Variants in CDH9 observed in about 807,000 individuals in gnomAD.
CDH9 encodes cadherin-9.
Under a neutral mutation model 70.9 loss-of-function variants are expected in CDH9, and 28 were observed. The ratio of observed to expected loss-of-function variants is 0.40; its 90% CI spans 0.29 to 0.54. The LOEUF is 0.54. CDH9 is among the 20% of genes least tolerant of loss of function. The pLI, the probability that CDH9 is intolerant of heterozygous loss-of-function variation, is 0.59. For missense variants in CDH9, 874 were observed against 984.4 expected (o/e 0.89, Z 1.50); for synonymous variants, 409 against 343.1 (o/e 1.19, Z -2.12).
intron 2 of CDH9, among the ~76,000 whole-genome samples, chr5:26,933,900 A>T (rs1741513725): frequency 1.3e-5 from 2 of 152,216 alleles, no homozygotes; most frequent in Admixed American, 1.3e-4. Context: ...AACAAATATT[A>T]TAAACAATTC....
chr5:26,979,462 C>T (rs994003804), intron 2 of CDH9, among the ~76,000 whole-genome samples: 1 of 150,816 alleles, frequency 6.6e-6, no homozygotes, highest in African/African-American at 2.4e-5. Flanking sequence ...ATTAAAAAAA[C>T]AGAAACAAAG....
At chr5:27,027,410 C>T (rs1472652003) in intron 1 of CDH9, among the ~76,000 whole-genome samples, 1 of 151,814 alleles carries the variant, frequency 6.6e-6, no homozygotes, top group Non-Finnish European at 1.5e-5. Context: ...GTCTCAATAC[C>T]CTTTACCCAG....
chr5:26,996,241 T>G (rs963400607), intron 1 of CDH9, among the ~76,000 whole-genome samples: 1 of 152,040 alleles, frequency 6.6e-6, no homozygotes, highest in African/African-American at 2.4e-5. Flanking sequence ...TCATACTATT[T>G]TGATCAATAA....
At chr5:26,937,787 A>G (rs549884127) in intron 2 of CDH9, among the ~76,000 whole-genome samples, 1 of 152,116 alleles carries the variant, frequency 6.6e-6, no homozygotes, top group Non-Finnish European at 1.5e-5. Context: ...TGAAGCAAGT[A>G]CAATGTTCAG....
chr5:26,966,612 C>T (rs1289805246), intron 2 of CDH9, among the ~76,000 whole-genome samples: 6 of 152,160 alleles, frequency 3.9e-5, no homozygotes, highest in Admixed American at 3.9e-4. Context: ...GATTTCTTCA[C>T]AATTTGCCTT....
chr5:26,962,762 C>CT (rs1164593667), intron 2 of CDH9, among the ~76,000 whole-genome samples: 1 of 151,864 alleles, frequency 6.6e-6, no homozygotes, highest in East Asian at 1.9e-4. Flanking sequence ...TTTTATTATA[C>CT]TTTAAGTTCT....
At chr5:26,956,271 G>A (rs1194282478) in intron 2 of CDH9, among the ~76,000 whole-genome samples, 1 of 152,102 alleles carries the variant, frequency 6.6e-6, no homozygotes, top group African/African-American at 2.4e-5. Context: ...TCTCTTGTCT[G>A]CTGCTTTTTA....
At chr5:27,000,270 A>C (rs1391259037) in intron 1 of CDH9, among the ~76,000 whole-genome samples, 1 of 152,162 alleles carries the variant, frequency 6.6e-6, no homozygotes, top group Non-Finnish European at 1.5e-5. Flanking sequence ...AAAAATGGCC[A>C]AAATTTTTTG....
intron 1 of CDH9, among the ~76,000 whole-genome samples, chr5:27,026,895 C>A (rs2112131362): frequency 6.6e-6 from 1 of 151,888 alleles, no homozygotes; most frequent in Non-Finnish European, 1.5e-5. Flanking sequence ...TTTCAAACCA[C>A]AATAAAATCC....
At chr5:26,969,211 GT>G (rs1424439982) in intron 2 of CDH9, among the ~76,000 whole-genome samples, 2 of 152,096 alleles carry the variant, frequency 1.3e-5, no homozygotes, top group African/African-American at 4.8e-5. Context: ...TCTTGTACAT[GT>G]ATTTTCACAT....
chr5:26,902,839 T>C, intron 6 of CDH9, 110 bp from the exon 7 acceptor site: 1 of 624,206 alleles, frequency 1.6e-6, no homozygotes, highest in Non-Finnish European at 2.8e-6. Flanking sequence ...CAATTCTATT[T>C]AAATGACAAT....
intron 7 of CDH9, among the ~76,000 whole-genome samples, chr5:26,900,743 A>G (rs1400091043): frequency 6.6e-6 from 1 of 152,114 alleles, no homozygotes; most frequent in Non-Finnish European, 1.5e-5. Flanking sequence ...GATTTCTAGC[A>G]TAAAAATATG....
intron 2 of CDH9, among the ~76,000 whole-genome samples, chr5:26,939,187 CTT>C (rs1227414389): frequency 6.6e-6 from 1 of 151,568 alleles, no homozygotes; most frequent in African/African-American, 2.4e-5. Flanking sequence ...TATTTTTAAA[CTT>C]AATCTATTAT....
At chr5:27,005,864 G>T (rs1242432568) in intron 1 of CDH9, among the ~76,000 whole-genome samples, 1 of 152,150 alleles carries the variant, frequency 6.6e-6, no homozygotes, top group South Asian at 2.1e-4. Flanking sequence ...CATATCTTTT[G>T]CTTGAACATG....
At chr5:26,929,797 T>A (rs149737069) in intron 2 of CDH9, among the ~76,000 whole-genome samples, 1 of 152,002 alleles carries the variant, frequency 6.6e-6, no homozygotes, top group Non-Finnish European at 1.5e-5. Flanking sequence ...ATTAAAACAA[T>A]TGTGTTCATG....
chr5:26,998,245 A>T (rs1277195709), intron 1 of CDH9, among the ~76,000 whole-genome samples: 1 of 151,956 alleles, frequency 6.6e-6, no homozygotes, highest in Non-Finnish European at 1.5e-5. Context: ...AGATTGCAAA[A>T]ATTTTCTCCC....
chr5:26,886,975 T>C (rs1381792492), intron 9 of CDH9, among the ~76,000 whole-genome samples: 1 of 152,150 alleles, frequency 6.6e-6, no homozygotes, highest in Non-Finnish European at 1.5e-5. Context: ...TAGTCTAACA[T>C]TGTGTGGTGA....
At chr5:26,961,515 C>T (rs1742034423) in intron 2 of CDH9, among the ~76,000 whole-genome samples, 1 of 152,144 alleles carries the variant, frequency 6.6e-6, no homozygotes, top group Middle Eastern at 3.4e-3. Context: ...TGCATAAACT[C>T]TTTCTATGTC....
At chr5:27,002,955 A>T (rs181631708) in intron 1 of CDH9, among the ~76,000 whole-genome samples, 1 of 152,130 alleles carries the variant, frequency 6.6e-6, no homozygotes, top group Non-Finnish European at 1.5e-5. Flanking sequence ...TAAGTAAAAT[A>T]AAAAGACAAA....
Sources: gnomAD v4.1 joint callset for allele counts (sites outside exome capture counted in the v4.1 genomes callset) on GRCh38, gnomAD v4.1.1 for gene constraint, MANE v1.5 for transcripts, NCBI Gene and HGNC (gene_info 2026-07-23, HGNC 2026-07-21) for gene names.